Variants in FZR1 observed in about 807,000 individuals in gnomAD.
The protein encoded by FZR1 is fizzy and cell division cycle 20 related 1.
FZR1 carries 11 observed loss-of-function variants against 63.6 expected under a neutral mutation model. The observed-to-expected ratio is 0.17, with a 90% CI of 0.11 to 0.29. The LOEUF (loss-of-function observed/expected upper bound fraction) is 0.29, where lower values mean the gene tolerates loss of function less well. Ranked by LOEUF, FZR1 falls within the 10% of genes least tolerant of loss-of-function variation. The probability of loss-of-function intolerance (pLI) is 1.00; values close to 1 mark genes in which losing one functional copy is unlikely to be tolerated. For synonymous variants in FZR1, 328 were observed against 297.9 expected (o/e 1.10, Z -1.04); for missense variants, 440 against 687.5 (o/e 0.64, Z 4.03).
intron 1 of FZR1, among the ~76,000 whole-genome samples, chr19:3,511,328 C>T (rs749571921): frequency 3.9e-5 from 6 of 152,208 alleles, no homozygotes; most frequent in Admixed American, 6.5e-5. Flanking sequence ...AGCTGCCCCC[C>T]ACACAGGGAA....
At chr19:3,523,531 G>A (rs1384875060) in intron 2 of FZR1, among the ~76,000 whole-genome samples, 2 of 152,216 alleles carry the variant, frequency 1.3e-5, no homozygotes, top group African/African-American at 4.8e-5. Context: ...GCTGCTGTGT[G>A]ACAGCCACAT....
intron 1 of FZR1, among the ~76,000 whole-genome samples, chr19:3,510,744 T>A (rs989779269): frequency 2.0e-5 from 3 of 152,152 alleles, no homozygotes; most frequent in African/African-American, 7.2e-5. Context: ...CCCTCATCCA[T>A]GCATTCCCCA....
In FZR1 at chr19:3,530,453, A is replaced by T. The variant is rs1279801112; in HGVS notation, c.655-339A>T. On this transcript the variant is annotated intron_variant, in intron 7 of 13. Transcript: ENST00000441788. ...GAGAGCGGATGGGAGAGCGCATGGG[A>T]GAGCGCATGGATGAGCGCATGGGAG... 4.1e-5 allele frequency among the ~76,000 whole-genome samples: 5 copies of T among 122,518 alleles called. 1 individual carries two copies. Among genetic ancestry groups the T allele is most frequent in the Non-Finnish European group, 6.9e-5 (4 of 57,676 alleles). The allele number at this position is 122,518 out of a possible 152,430, so 80.4% of individuals were successfully genotyped here.
At position 3,525,427 on chromosome 19, in the gene FZR1, GTTTTCTTTTTTTT is replaced by G. The variant is rs1422988530; in HGVS notation, c.70-436_70-424del. ...GTGACTGTGTGGCTCCCCTCCTTGG[GTTTTCTTTTTTTT>G]TTTTTTTTTTTTTTTTTTTTGAGAC... On this transcript the variant is annotated intron_variant, in intron 2 of 13. Coordinates refer to ENST00000441788, the MANE Select transcript of FZR1 (RefSeq NM_016263.4). This position sits in a 1 kb window ranked among gnomAD's most constrained non-coding sequence, Gnocchi z 4.2. 9.5e-6 allele frequency among the ~76,000 whole-genome samples: 1 copy of G among 104,972 alleles called. No individual in the cohort carries two copies. Among genetic ancestry groups the G allele is most frequent in the South Asian group, 3.0e-4 (1 of 3,290 alleles). The allele number at this position is 104,972 out of a possible 152,430, so 68.9% of individuals were successfully genotyped here.
chr19:3,524,953 C>T (rs1008230279), intron 2 of FZR1, among the ~76,000 whole-genome samples: 12 of 152,206 alleles, frequency 7.9e-5, no homozygotes, highest in African/African-American at 2.2e-4. Context: ...TCCCAGGTTG[C>T]GGGGCTCAGG....
At position 3,506,334 on chromosome 19, in the gene FZR1, A is replaced by G. The variant is rs1448291962; in HGVS notation, c.-175A>G. On this transcript the variant is annotated 5_prime_UTR_variant, in exon 1 of 14. In the 5' UTR this introduces an upstream ATG that the reference lacks. Coordinates refer to ENST00000441788, the MANE Select transcript of FZR1 (RefSeq NM_016263.4). Reference sequence around the variant, plus strand: ...GCAGCGGAGGAGCGACCGCCGCCATATTAGGGACCGCGGAGCCCGGGATCC... The same window carrying G: ...GCAGCGGAGGAGCGACCGCCGCCATGTTAGGGACCGCGGAGCCCGGGATCC... 1.3e-5 allele frequency: 2 copies of G among 150,088 alleles called. No individual in the cohort carries two copies. The highest frequency in any genetic ancestry group is 2.4e-5 in the African/African-American group (1 of 41,030). 9.3% of individuals were successfully genotyped at this position (150,088 alleles called of 1,614,324 possible). A position where few individuals can be genotyped will look rare whatever the true frequency, so the allele number is the denominator to read the frequency against.
At chr19:3,517,235 C>T (rs766072863) in intron 1 of FZR1, among the ~76,000 whole-genome samples, 24 of 152,070 alleles carry the variant, frequency 1.6e-4, no homozygotes, top group Middle Eastern at 6.8e-3. Context: ...ACAAAAAATA[C>T]AAAAAGTGGC....
intron 2 of FZR1, among the ~76,000 whole-genome samples, chr19:3,523,358 C>T (rs1256171123): frequency 3.9e-5 from 6 of 152,208 alleles, no homozygotes; most frequent in Non-Finnish European, 8.8e-5. Flanking sequence ...TAGGGAGACC[C>T]GTTCCTGTCT....
At chr19:3,518,117 T>G (rs1422186946) in intron 1 of FZR1, among the ~76,000 whole-genome samples, 1 of 150,958 alleles carries the variant, frequency 6.6e-6, no homozygotes, top group Non-Finnish European at 1.5e-5. Flanking sequence ...CAGGTTCAAG[T>G]GATTCACCTG....
chr19:3,515,393 C>T lies in FZR1; in HGVS notation c.-34-7563C>T, dbSNP rs575466550. Among the ~76,000 whole-genome samples the T allele has an allele frequency of 4.6e-5, 7 of 152,278 alleles. No homozygotes were observed. In the East Asian group the frequency reaches 1.2e-3, roughly 25 times the overall value. ...AAAGGAGGGAGAATGCGGTGGTGCC[C>T]GGTCTCATCCGGAGCCTGCCTGGCC... On this transcript the variant is annotated intron_variant, in intron 1 of 13. Transcript: ENST00000441788. This position sits in a 1 kb window ranked among gnomAD's most constrained non-coding sequence, Gnocchi z 4.6.
chr19:3,512,613 C>A (rs114503116), intron 1 of FZR1, among the ~76,000 whole-genome samples: 1 of 152,082 alleles, frequency 6.6e-6, no homozygotes, highest in Non-Finnish European at 1.5e-5. Context: ...GGTGCTTCGC[C>A]CGCCTTGGGT....
rs1378294261 is a variant in FZR1, at chr19:3,526,482, G to C, written c.387+96G>C. On this transcript the variant is annotated intron_variant, in intron 5 of 13. Coordinates refer to ENST00000441788, the MANE Select transcript of FZR1 (RefSeq NM_016263.4). The surrounding 1 kb of genome is among the most constrained non-coding windows in gnomAD (Gnocchi z 5.4). ...CACCAGCTCTGCCTCCCCGAGCCCG[G>C]TTCTCGGGCCCAGCCACGGCTCAGC... is the stretch of plus-strand genomic sequence containing the variant. 2 of 1,029,084 alleles carry C rather than the reference G, an allele frequency of 1.9e-6. No homozygotes were observed. Among genetic ancestry groups the C allele is most frequent in the Non-Finnish European group, 2.8e-6 (2 of 703,342 alleles). The allele number at this position is 1,029,084 out of a possible 1,614,324, so 63.7% of individuals were successfully genotyped here.
rs2067967848 is a variant in FZR1, at chr19:3,533,188, C to T, written c.1243-106C>T. 2.5e-5 allele frequency: 18 copies of T among 729,374 alleles called. No homozygotes were observed. The highest frequency in any genetic ancestry group is 2.3e-4 in the Admixed American group (12 of 52,904). The allele number at this position is 729,374 out of a possible 1,614,324, so 45.2% of individuals were successfully genotyped here. ...CCCCTGCTCCTCCTGGGCTGGCTGG[C>T]GGCTCTGAGCTCTCACATGGGCTCA... On this transcript the variant is annotated intron_variant, in intron 11 of 13. Transcript: ENST00000441788. This position sits in a 1 kb window ranked among gnomAD's most constrained non-coding sequence, Gnocchi z 4.9.
rs533902068 is a variant in FZR1, at chr19:3,516,848, G to C, written c.-34-6108G>C. Among the ~76,000 whole-genome samples, 5 of 152,378 alleles carry C rather than the reference G, an allele frequency of 3.3e-5. No individual in the cohort carries two copies. The East Asian group carries it at 9.6e-4, about 29-fold the overall frequency. On this transcript the variant is annotated intron_variant, in intron 1 of 13. Coordinates refer to ENST00000441788, the MANE Select transcript of FZR1 (RefSeq NM_016263.4). This position sits in a 1 kb window ranked among gnomAD's most constrained non-coding sequence, Gnocchi z 6.0. ...TGGGCCATTGGCTCACGGCGTCTCTGTTGCCCCGGAGGGCTTGTCAGGTGC... is the reference window on the plus strand; with the variant it reads ...TGGGCCATTGGCTCACGGCGTCTCTCTTGCCCCGGAGGGCTTGTCAGGTGC...
intron 1 of FZR1, among the ~76,000 whole-genome samples, chr19:3,522,509 G>A (rs2083111989): frequency 2.6e-5 from 4 of 152,172 alleles, no homozygotes; most frequent in African/African-American, 2.4e-5. Flanking sequence ...TGGCCGGCCC[G>A]GGGCCTGTGC....
intron 7 of FZR1, among the ~76,000 whole-genome samples, chr19:3,528,927 T>C (rs920389348): frequency 1.6e-4 from 17 of 106,314 alleles, no homozygotes; most frequent in African/African-American, 2.6e-4. Flanking sequence ...GATGGGAGAG[T>C]GTATGGGAGT....
chr19:3,522,656 C>G (rs916981032), intron 1 of FZR1, among the ~76,000 whole-genome samples: 2 of 152,318 alleles, frequency 1.3e-5, no homozygotes, highest in South Asian at 4.1e-4. Context: ...TTGTCGGGAC[C>G]TCCAGGACTC....
chr19:3,529,706 G>A (rs536669773), intron 7 of FZR1, among the ~76,000 whole-genome samples: 319 of 139,676 alleles, frequency 2.3e-3, no homozygotes, highest in Non-Finnish European at 4.4e-3. Context: ...TTGAGCGGAT[G>A]GGAGAGCGGA....
chr19:3,527,555 G>A (rs936236887), intron 6 of FZR1, 76 bp from the exon 7 acceptor site: 56 of 1,202,638 alleles, frequency 4.7e-5, no homozygotes, highest in Non-Finnish European at 6.0e-5. Context: ...TGGCAGGGAA[G>A]GAGACACTTC....
Sources: allele counts gnomAD v4.1 joint callset (sites outside exome capture counted in the v4.1 genomes callset), GRCh38; gene constraint gnomAD v4.1.1; non-coding constraint Gnocchi (gnomAD v3.1); transcripts MANE v1.5; gene names NCBI Gene and HGNC (gene_info 2026-07-23, HGNC 2026-07-21).